Variants in PCDH9 observed in about 807,000 individuals in gnomAD.
PCDH9 encodes the protein protocadherin 9, also known as protocadherin-9.
A neutral mutation model predicts 70.6 loss-of-function variants in PCDH9; 24 were observed. The observed-to-expected ratio is 0.34, with a 90% CI of 0.25 to 0.48. The LOEUF is 0.48. Ranked by LOEUF, PCDH9 falls within the 20% of genes least tolerant of loss-of-function variation. PCDH9 has a pLI of 0.99. For synonymous variants in PCDH9, 562 were observed against 558.5 expected (o/e 1.01, Z -0.09); for missense variants, 1,281 against 1,503.6 (o/e 0.85, Z 2.45).
At chr13:66,514,554 C>T (rs906636611) in intron 4 of PCDH9, among the ~76,000 whole-genome samples, 4 of 151,026 alleles carry the variant, frequency 2.6e-5, no homozygotes, top group Non-Finnish European at 5.9e-5. Flanking sequence ...ATGCCTTAGG[C>T]AACAATTTAT....
At position 67,228,334 on chromosome 13, in the gene PCDH9, T is replaced by G. The variant is rs778278899; in HGVS notation, c.107A>C (p.Glu36Ala). The stretch of plus-strand genomic sequence containing the variant: ...TGGTATGTTTCCTATGGGCACATTT[T>G]CAGGCAATTCCTCTCTAATAGTGTA... ...LIYTIREELPENVPIGNIPKD... is the reference protein window; with the variant it reads ...LIYTIREELPANVPIGNIPKD... Residue 36 changes from glutamate (E) to alanine (A), a missense_variant, in exon 2 of 5, where the codon GAA (glutamate) becomes GCA (alanine). Glu to Ala is a moderately radical substitution (Grantham distance 107, BLOSUM62 -1). This residue lies in a region of PCDH9 where 798 missense variants were observed against 1,003.1 expected (regional missense o/e 0.80). Transcript: ENST00000377865. The G allele has an allele frequency of 2.5e-6, 4 of 1,614,226 alleles. No homozygotes were observed. The highest frequency in any genetic ancestry group is 3.4e-6 in the Non-Finnish European group (4 of 1,180,032).
chr13:66,920,605 C>A (rs1418270371), intron 2 of PCDH9, among the ~76,000 whole-genome samples: 1 of 151,158 alleles, frequency 6.6e-6, no homozygotes, highest in African/African-American at 2.4e-5. Context: ...CACAATTCAT[C>A]ATCTTTTCAC....
At chr13:66,574,153 A>G (rs1007488332) in intron 4 of PCDH9, among the ~76,000 whole-genome samples, 1 of 152,202 alleles carries the variant, frequency 6.6e-6, no homozygotes, top group Non-Finnish European at 1.5e-5. Context: ...TCAACAACAC[A>G]TTCTTAGTTG....
intron 2 of PCDH9, among the ~76,000 whole-genome samples, chr13:67,117,931 C>T (rs2086808547): frequency 6.6e-6 from 1 of 152,008 alleles, no homozygotes; most frequent in South Asian, 2.1e-4. Context: ...GAAATGTGGG[C>T]AAGTTGACTA....
At chr13:66,604,954 C>T (rs1051087901) in intron 4 of PCDH9, among the ~76,000 whole-genome samples, 4 of 151,944 alleles carry the variant, frequency 2.6e-5, no homozygotes, top group Admixed American at 6.6e-5. Context: ...GTCATGTGCT[C>T]ATCAAATGGA....
chr13:67,204,143 G>A (rs1045860411), intron 2 of PCDH9: 6 of 151,908 alleles, frequency 3.9e-5, no homozygotes, highest in Non-Finnish European at 8.8e-5. Flanking sequence ...TACACACTAA[G>A]CACAATTTTT....
chr13:67,088,090 A>G (rs910809448), intron 2 of PCDH9, among the ~76,000 whole-genome samples: 7 of 138,174 alleles, frequency 5.1e-5, no homozygotes, highest in Non-Finnish European at 3.2e-5. Context: ...AATTTGGTCT[A>G]TTTCATAGAT....
At chr13:67,187,775 A>G (rs2088797645) in intron 2 of PCDH9, among the ~76,000 whole-genome samples, 1 of 152,100 alleles carries the variant, frequency 6.6e-6, no homozygotes, top group Non-Finnish European at 1.5e-5. Flanking sequence ...ATTTTTAATT[A>G]TTATGGATAC....
intron 4 of PCDH9, among the ~76,000 whole-genome samples, chr13:66,612,436 ATGT>A (rs2077304261): frequency 1.3e-5 from 2 of 152,220 alleles, no homozygotes; most frequent in Admixed American, 6.5e-5. Flanking sequence ...TGAAATTCTA[ATGT>A]TGTAATGTGG....
intron 2 of PCDH9, among the ~76,000 whole-genome samples, chr13:66,934,051 T>G (rs2082862860): frequency 6.6e-6 from 1 of 152,074 alleles, no homozygotes; most frequent in Non-Finnish European, 1.5e-5. Flanking sequence ...ACAAATACAC[T>G]CATCACACCT....
At chr13:66,554,439 C>T (rs1450048505) in intron 4 of PCDH9, among the ~76,000 whole-genome samples, 1 of 151,914 alleles carries the variant, frequency 6.6e-6, no homozygotes, top group African/African-American at 2.4e-5. Flanking sequence ...TTCTAATCTG[C>T]CTTAACATTT....
At chr13:66,676,861 A>T (rs2139050306) in intron 3 of PCDH9, among the ~76,000 whole-genome samples, 1 of 152,206 alleles carries the variant, frequency 6.6e-6, no homozygotes, top group African/African-American at 2.4e-5. Context: ...CAGAAACATA[A>T]TTTTCTGTAA....
At chr13:66,429,735 T>C (rs568444183) in intron 4 of PCDH9, among the ~76,000 whole-genome samples, 1 of 152,130 alleles carries the variant, frequency 6.6e-6, no homozygotes, top group Admixed American at 6.6e-5. Context: ...TAACTTTTTC[T>C]GGTTATTTTA....
At chr13:66,765,740 C>T (rs1443530287) in intron 3 of PCDH9, among the ~76,000 whole-genome samples, 2 of 152,020 alleles carry the variant, frequency 1.3e-5, no homozygotes, top group East Asian at 1.9e-4. Context: ...GTACCTAGCA[C>T]TGAGGTCATG....
At chr13:66,844,914 G>C (rs1794320315) in intron 3 of PCDH9, among the ~76,000 whole-genome samples, 1 of 152,198 alleles carries the variant, frequency 6.6e-6, no homozygotes, top group Non-Finnish European at 1.5e-5. Context: ...AGGGAAACTT[G>C]GGGTGTTGCT....
chr13:67,226,036 T>C lies in PCDH9; in HGVS notation c.2405A>G (p.Asp802Gly), dbSNP rs1470698268. The C allele has an allele frequency of 3.1e-6, 5 of 1,613,918 alleles. No individual in the cohort carries two copies. Among genetic ancestry groups the C allele is most frequent in the Non-Finnish European group, 4.2e-6 (5 of 1,179,974 alleles). Reference sequence around the variant, plus strand: ...CTCATTTTGATAGGGTTGGCTACTATCCCCTATGTTCCTGTCCAACGGGGT... The same window carrying C: ...CTCATTTTGATAGGGTTGGCTACTACCCCCTATGTTCCTGTCCAACGGGGT... ...METPLDRNIGDSSQPYQNEDY... is the reference protein window; with the variant it reads ...METPLDRNIGGSSQPYQNEDY... Residue 802 changes from aspartate (D) to glycine (G), a missense_variant, in exon 2 of 5, where the codon GAT becomes GGT. This residue lies in a region of PCDH9 where 798 missense variants were observed against 1,003.1 expected (regional missense o/e 0.80). Coordinates refer to ENST00000377865, the MANE Select transcript of PCDH9 (RefSeq NM_203487.3). The surrounding 1 kb of genome is among the most constrained non-coding windows in gnomAD (Gnocchi z 5.0).
At chr13:67,141,509 C>T (rs1343420110) in intron 2 of PCDH9, among the ~76,000 whole-genome samples, 2 of 151,892 alleles carry the variant, frequency 1.3e-5, no homozygotes, top group African/African-American at 4.8e-5. Context: ...GGCGCAATGT[C>T]AGCTCAGTGC....
intron 3 of PCDH9, among the ~76,000 whole-genome samples, chr13:66,721,565 A>G (rs562935558): frequency 3.6e-4 from 55 of 152,234 alleles, no homozygotes; most frequent in African/African-American, 1.3e-3. Flanking sequence ...CTGTAGCATG[A>G]CAGAACTCAT....
At chr13:66,942,202 C>T (rs2083016969) in intron 2 of PCDH9, among the ~76,000 whole-genome samples, 1 of 151,644 alleles carries the variant, frequency 6.6e-6, no homozygotes, top group Non-Finnish European at 1.5e-5. Context: ...GAAAATATTC[C>T]TGTTAGTAAT....
Sources: allele counts gnomAD v4.1 joint callset (sites outside exome capture counted in the v4.1 genomes callset), GRCh38; gene constraint gnomAD v4.1.1; regional missense constraint gnomAD v4.1.1; non-coding constraint Gnocchi (gnomAD v3.1); transcripts MANE v1.5; gene names NCBI Gene and HGNC (gene_info 2026-07-23, HGNC 2026-07-21).